Variants in TCF4 observed in about 807,000 individuals in gnomAD.
The protein encoded by TCF4 is SL3-3 enhancer factor 2.
In TCF4, 3 loss-of-function variants were observed where a neutral mutation model predicts 82.1. That is an observed-to-expected ratio of 0.04 (90% CI 0.02 to 0.09). The LOEUF is 0.09. Ranked by LOEUF, TCF4 falls within the 10% of genes least tolerant of loss-of-function variation. TCF4 has a pLI of 1.00. For synonymous variants in TCF4, 276 were observed against 309.6 expected (o/e 0.89, Z 1.14); for missense variants, 518 against 852.7 (o/e 0.61, Z 4.89).
chr18:55,404,309 A>G (rs1316252026), intron 5 of TCF4: 2 of 155,812 alleles, frequency 1.3e-5, no homozygotes, highest in Non-Finnish European at 1.4e-5. Flanking sequence ...TTTAACCCCA[A>G]TAATCATTAG....
rs940391851 is a variant in TCF4, at chr18:55,585,222, T to C, written c.145+58A>G. On this transcript the variant is annotated intron_variant, in intron 3 of 19. Coordinates refer to ENST00000354452, the MANE Select transcript of TCF4 (RefSeq NM_001083962.2). ...CTTCAACAGAGCCAAAAACATACAA[T>C]TGAGTAAATAAACAGCCCAGAACAT... 1.1e-5 allele frequency: 16 copies of C among 1,508,706 alleles called. No individual in the cohort carries two copies. In the Middle Eastern group the frequency reaches 5.1e-4, roughly 48 times the overall value. The allele number at this position is 1,508,706 out of a possible 1,614,324, so 93.5% of individuals were successfully genotyped here.
chr18:55,588,754 G>A (rs1005365899), upstream of TCF4: 2 of 1,234,454 alleles, frequency 1.6e-6, no homozygotes, highest in Non-Finnish European at 2.0e-6. Flanking sequence ...TTTCGTTTCG[G>A]TAGTTTTGCG....
At chr18:55,305,841 T>C (rs978739182) in intron 8 of TCF4, among the ~76,000 whole-genome samples, 20 of 152,202 alleles carry the variant, frequency 1.3e-4, no homozygotes, top group African/African-American at 4.6e-4. Flanking sequence ...TCCATACTGA[T>C]AGGATAATGC....
chr18:55,222,680 A>G lies in TCF4; in HGVS notation c.*5355T>C, dbSNP rs2046026877. On this transcript the variant is annotated 3_prime_UTR_variant, in exon 20 of 20. Transcript: ENST00000354452. ...GCTCAGCTACCGCGGGCTTTCCTTT[A>G]CATTGCATACATTACTTTACATTTC... 6.6e-6 allele frequency: 1 copy of G among 152,662 alleles called. No individual in the cohort carries two copies. Among genetic ancestry groups the G allele is most frequent in the African/African-American group, 2.4e-5 (1 of 41,464 alleles). The allele number at this position is 152,662 out of a possible 1,614,324, so 9.5% of individuals were successfully genotyped here.
chr18:55,340,310 CTT>C (rs2079605030), intron 8 of TCF4, among the ~76,000 whole-genome samples: 1 of 152,090 alleles, frequency 6.6e-6, no homozygotes, highest in Non-Finnish European at 1.5e-5. Flanking sequence ...CCAACACAAA[CTT>C]TGCAGACCAC....
At chr18:55,595,814 G>C (rs1195030546) in intron 2 of TCF4, among the ~76,000 whole-genome samples, 1 of 151,930 alleles carries the variant, frequency 6.6e-6, no homozygotes, top group African/African-American at 2.4e-5. Flanking sequence ...ATTTTTTTTG[G>C]AGGACTTGCA....
At chr18:55,565,127 C>T (rs2097392405) in intron 3 of TCF4, among the ~76,000 whole-genome samples, 1 of 152,040 alleles carries the variant, frequency 6.6e-6, no homozygotes. Context: ...AACATTTTCT[C>T]TAAAGTTGCT....
intron 3 of TCF4, among the ~76,000 whole-genome samples, chr18:55,466,620 T>C (rs2096027940): frequency 6.6e-6 from 1 of 152,220 alleles, no homozygotes; most frequent in South Asian, 2.1e-4. Context: ...ATTTGATTTA[T>C]AATTTAGTAA....
intron 2 of TCF4, among the ~76,000 whole-genome samples, chr18:55,609,043 C>T (rs893838426): frequency 1.3e-5 from 2 of 152,088 alleles, no homozygotes; most frequent in Non-Finnish European, 2.9e-5. Context: ...CTGTTCTCTG[C>T]TATATGAAGA....
chr18:55,457,314 G>A (rs1473954710), intron 5 of TCF4, among the ~76,000 whole-genome samples: 10 of 152,168 alleles, frequency 6.6e-5, no homozygotes, highest in Admixed American at 2.0e-4. Flanking sequence ...ACCAAGAAAC[G>A]TCATTAAGTC....
At chr18:55,634,295 A>AC (rs1394812203) in intron 1 of TCF4, among the ~76,000 whole-genome samples, 10 of 152,034 alleles carry the variant, frequency 6.6e-5, no homozygotes, top group Admixed American at 1.3e-4. Flanking sequence ...AAAAACAAAA[A>AC]AAAAAACTAG....
intron 3 of TCF4, among the ~76,000 whole-genome samples, chr18:55,497,859 G>GAA (rs760986296): frequency 1.3e-5 from 2 of 150,408 alleles, no homozygotes; most frequent in African/African-American, 4.9e-5. Flanking sequence ...ATTGGAAGGG[G>GAA]AAAAAAAAAC....
At chr18:55,452,282 G>A (rs142017825) in intron 5 of TCF4, among the ~76,000 whole-genome samples, 1 of 152,300 alleles carries the variant, frequency 6.6e-6, no homozygotes, top group East Asian at 1.9e-4. Flanking sequence ...TCTTTTGGCT[G>A]CACCTAATCC....
At chr18:55,452,293 T>A (rs1172480064) in intron 5 of TCF4, among the ~76,000 whole-genome samples, 3 of 152,160 alleles carry the variant, frequency 2.0e-5, no homozygotes, top group African/African-American at 7.2e-5. Context: ...CACCTAATCC[T>A]CCACATTAAA....
At chr18:55,359,036 T>C (rs1200616628) in intron 6 of TCF4, among the ~76,000 whole-genome samples, 1 of 152,208 alleles carries the variant, frequency 6.6e-6, no homozygotes, top group African/African-American at 2.4e-5. Context: ...ATAATGTAAG[T>C]TTGGAAGAAA....
At chr18:55,536,937 A>G (rs1000045070) in intron 3 of TCF4, among the ~76,000 whole-genome samples, 1 of 151,706 alleles carries the variant, frequency 6.6e-6, no homozygotes, top group Non-Finnish European at 1.5e-5. Context: ...GATCGAGAAC[A>G]TCCTGGCTAA....
At chr18:55,548,987 T>C (rs894802927) in intron 3 of TCF4, among the ~76,000 whole-genome samples, 14 of 152,206 alleles carry the variant, frequency 9.2e-5, no homozygotes, top group Middle Eastern at 3.4e-3. Context: ...TAAGGATACA[T>C]TGAATTTTTT....
At chr18:55,284,517 T>C (rs2063291242) in intron 8 of TCF4, 1 of 152,204 alleles carries the variant, frequency 6.6e-6, no homozygotes, top group Non-Finnish European at 1.5e-5. Flanking sequence ...ACCTTAAATC[T>C]GAAGGAATAA....
At chr18:55,309,964 TA>T (rs2147179766) in intron 8 of TCF4, among the ~76,000 whole-genome samples, 1 of 152,296 alleles carries the variant, frequency 6.6e-6, no homozygotes, top group East Asian at 1.9e-4. Flanking sequence ...AAAATTACCA[TA>T]AAAATAGTAA....
Sources: allele counts gnomAD v4.1 joint callset (sites outside exome capture counted in the v4.1 genomes callset), GRCh38; gene constraint gnomAD v4.1.1; transcripts MANE v1.5; gene names NCBI Gene and HGNC (gene_info 2026-07-23, HGNC 2026-07-21).